SPTY2D1: variants seen among roughly 807,000 people sequenced by gnomAD.
The protein encoded by SPTY2D1 is SPT2 chromatin protein domain containing 1, also known as protein SPT2 homolog.
SPTY2D1 carries 21 observed loss-of-function variants against 64.0 expected under a neutral mutation model. The observed-to-expected ratio is 0.33, with a 90% confidence interval of 0.23 to 0.47. The LOEUF (loss-of-function observed/expected upper bound fraction) is 0.47, where lower values mean the gene tolerates loss of function less well. SPTY2D1 is among the 20% of genes least tolerant of loss of function. The pLI, the probability that SPTY2D1 is intolerant of heterozygous loss-of-function variation, is 1.00. For synonymous variants in SPTY2D1, 287 were observed against 286.8 expected (o/e 1.00, Z -0.01); for missense variants, 724 against 837.2 (o/e 0.86, Z 1.67).
chr11:18,632,132 G>C (rs890865723), intron 1 of SPTY2D1, among the ~76,000 whole-genome samples: 2 of 150,346 alleles, frequency 1.3e-5, no homozygotes, highest in Admixed American at 1.3e-4. Context: ...CAGCCCGGAC[G>C]ACAGAGTGAG....
chr11:18,627,878 C>CAA lies in SPTY2D1; in HGVS notation c.60+6318_60+6319dup, dbSNP rs71313422. On this transcript the variant is annotated intron_variant, in intron 1 of 5. Coordinates refer to ENST00000336349, the MANE Select transcript of SPTY2D1 (RefSeq NM_194285.3). The stretch of plus-strand genomic sequence containing the variant: ...TGGGCAACAGAGCAAGACTCCGTCT[C>CAA]AAAAAAAAAAAATACAAAAATTAGC... 3.8e-3 allele frequency among the ~76,000 whole-genome samples: 540 copies of CAA among 143,886 alleles called. 3 individuals are homozygous for CAA. Among genetic ancestry groups the CAA allele is most frequent in the East Asian group, 0.012 (60 of 4,874 alleles). The allele number at this position is 143,886 out of a possible 152,430, so 94.4% of individuals were successfully genotyped here. A position where few individuals can be genotyped will look rare whatever the true frequency, so the allele number is the denominator to read the frequency against.
rs1353521941 is a variant in SPTY2D1 at position 18,609,597 on chromosome 11, C to T, written c.*264G>A. The stretch of plus-strand genomic sequence containing the variant: ...TGGCCCCACATTAGAGTGCATAGCT[C>T]ATCAGGATCAAGGCTGGCATCTGTG... On this transcript the variant is annotated 3_prime_UTR_variant, in exon 6 of 6. Transcript: ENST00000336349. 1.5e-5 allele frequency: 7 copies of T among 461,194 alleles called. No homozygotes were observed. Among genetic ancestry groups the T allele is most frequent in the Non-Finnish European group, 2.3e-5 (6 of 258,284 alleles). The allele number at this position is 461,194 out of a possible 1,614,324, so 28.6% of individuals were successfully genotyped here. A position where few individuals can be genotyped will look rare whatever the true frequency, so the allele number is the denominator to read the frequency against.
intron 1 of SPTY2D1, among the ~76,000 whole-genome samples, chr11:18,617,232 A>G (rs909746405): frequency 6.6e-6 from 1 of 152,192 alleles, no homozygotes; most frequent in Non-Finnish European, 1.5e-5. Context: ...TAAATGAACA[A>G]TTCACAGAAA....
chr11:18,630,241 C>T (rs1264670189), intron 1 of SPTY2D1, among the ~76,000 whole-genome samples: 1 of 149,750 alleles, frequency 6.7e-6, no homozygotes, highest in Non-Finnish European at 1.5e-5. Flanking sequence ...CTTTGGGAGG[C>T]CGAGGCAGGT....
In SPTY2D1 at chr11:18,622,086, C is replaced by CAAAAAAAAAAA. The variant is rs747593791; in HGVS notation, c.61-5108_61-5098dup. The stretch of plus-strand genomic sequence containing the variant: ...TGAACAACAGAGTAAGACCCTATCT[C>CAAAAAAAAAAA]AAAAAAAAAAAAAAAAAACCAAAAC... On this transcript the variant is annotated intron_variant, in intron 1 of 5. Transcript: ENST00000336349. Among the ~76,000 whole-genome samples the CAAAAAAAAAAA allele has an allele frequency of 6.3e-3, 75 of 11,820 alleles. 12 individuals are homozygous for CAAAAAAAAAAA. Among genetic ancestry groups the CAAAAAAAAAAA allele is most frequent in the African/African-American group, 0.015 (64 of 4,198 alleles). The allele number at this position is 11,820 out of a possible 152,430, so 7.8% of individuals were successfully genotyped here.
intron 1 of SPTY2D1, among the ~76,000 whole-genome samples, chr11:18,622,009 C>T (rs921596370): frequency 1.4e-5 from 2 of 138,938 alleles, no homozygotes; most frequent in African/African-American, 5.3e-5. Flanking sequence ...ATTGTCTCAG[C>T]CAGGGAGGTC....
chr11:18,621,922 C>T (rs923650114), intron 1 of SPTY2D1, among the ~76,000 whole-genome samples: 1 of 151,234 alleles, frequency 6.6e-6, no homozygotes, highest in Non-Finnish European at 1.5e-5. Context: ...CCCTGTCTCT[C>T]CAAACAATTT....
chr11:18,610,667 T>TAAAAA (rs58363516), intron 5 of SPTY2D1, among the ~76,000 whole-genome samples: 36 of 96,484 alleles, frequency 3.7e-4, no homozygotes, highest in Non-Finnish European at 5.2e-4. Flanking sequence ...CCCTGTCTCT[T>TAAAAA]AAAAAAAAAA....
intron 1 of SPTY2D1, among the ~76,000 whole-genome samples, chr11:18,619,181 C>T (rs2134113063): frequency 6.6e-6 from 1 of 152,232 alleles, no homozygotes; most frequent in Non-Finnish European, 1.5e-5. Context: ...AAGGAGCTTA[C>T]ATTTTCATTG....
rs772568759 is a variant in SPTY2D1, at chr11:18,616,101, A to G, written c.176-3T>C. On this transcript the variant is annotated splice_polypyrimidine_tract_variant and splice_region_variant and intron_variant, in intron 2 of 5. Coordinates refer to ENST00000336349, the MANE Select transcript of SPTY2D1 (RefSeq NM_194285.3). ...TTTTCTCCTTTTCTCCTCTAAGGCT[A>G]AAAGGGACAAAACAAGAATATGTTA... The G allele has an allele frequency of 1.9e-6, 3 of 1,588,464 alleles. No homozygotes were observed. The highest frequency in any genetic ancestry group is 2.6e-6 in the Non-Finnish European group (3 of 1,168,522).
chr11:18,621,455 G>A (rs907878956), intron 1 of SPTY2D1, among the ~76,000 whole-genome samples: 2 of 152,092 alleles, frequency 1.3e-5, no homozygotes, highest in African/African-American at 4.8e-5. Flanking sequence ...GATTTGCTTT[G>A]AAAAGAATAA....
intron 1 of SPTY2D1, among the ~76,000 whole-genome samples, chr11:18,622,945 T>G (rs1245034013): frequency 3.5e-5 from 5 of 141,300 alleles, no homozygotes; most frequent in Non-Finnish European, 7.7e-5. Flanking sequence ...AGAGCAAAAC[T>G]CTGTCTCAAA....
chr11:18,615,957 T>C lies in SPTY2D1; in HGVS notation c.317A>G (p.Lys106Arg). The C allele has an allele frequency of 6.2e-7, 1 of 1,609,238 alleles. No homozygotes were observed. The highest frequency in any genetic ancestry group is 8.5e-7 in the Non-Finnish European group (1 of 1,175,240). Residue 106 changes from lysine (K) to arginine (R), a missense_variant, in exon 3 of 6, where the codon AAG becomes AGG. Physicochemically the swap from Lys to Arg is conservative, Grantham distance 26. This residue lies in a region of SPTY2D1 where 179 missense variants were observed against 232.5 expected (regional missense o/e 0.77). Coordinates refer to ENST00000336349, the MANE Select transcript of SPTY2D1 (RefSeq NM_194285.3). Reference protein sequence around the residue: ...YNGIPIEEKSKKRQATESHTS... With the variant: ...YNGIPIEEKSRKRQATESHTS... ...ATGGCTTTCTGTTGCCTGCCTCTTC[T>C]TTGACTTTTCCTCAATAGGAATCCC...
chr11:18,632,138 G>A (rs1480821070), intron 1 of SPTY2D1, among the ~76,000 whole-genome samples: 1 of 150,566 alleles, frequency 6.6e-6, no homozygotes, highest in Non-Finnish European at 1.5e-5. Flanking sequence ...GGACGACAGA[G>A]TGAGACTCTA....
At chr11:18,620,509 G>A (rs1202924133) in intron 1 of SPTY2D1, among the ~76,000 whole-genome samples, 1 of 150,902 alleles carries the variant, frequency 6.6e-6, no homozygotes, top group Non-Finnish European at 1.5e-5. Flanking sequence ...ATCATGAGCC[G>A]TTATTATAGC....
chr11:18,618,218 A>T (rs1316035357), intron 1 of SPTY2D1, among the ~76,000 whole-genome samples: 1 of 152,194 alleles, frequency 6.6e-6, no homozygotes, highest in Non-Finnish European at 1.5e-5. Flanking sequence ...AAAGCATTTC[A>T]AAAAATCTAT....
chr11:18,613,097 T>C (rs1487536279), intron 3 of SPTY2D1, among the ~76,000 whole-genome samples: 3 of 152,210 alleles, frequency 2.0e-5, no homozygotes, highest in Non-Finnish European at 2.9e-5. Context: ...AAATACAATT[T>C]ACAAACCTCC....
intron 1 of SPTY2D1, among the ~76,000 whole-genome samples, chr11:18,618,297 CACA>C (rs762334329): frequency 2.0e-5 from 3 of 152,306 alleles, no homozygotes; most frequent in South Asian, 4.1e-4. Context: ...TAATTTGCCT[CACA>C]ACCTCCTTTT....
At chr11:18,617,602 G>A (rs1053242314) in intron 1 of SPTY2D1, among the ~76,000 whole-genome samples, 10 of 139,636 alleles carry the variant, frequency 7.2e-5, no homozygotes, top group Admixed American at 5.3e-4. Context: ...CTGTAGCCCG[G>A]GCGACAAAGT....
Sources: gnomAD v4.1 joint callset for allele counts (sites outside exome capture counted in the v4.1 genomes callset) on GRCh38, gnomAD v4.1.1 for gene constraint, gnomAD v4.1.1 regional missense constraint, MANE v1.5 for transcripts, NCBI Gene and HGNC (gene_info 2026-07-23, HGNC 2026-07-21) for gene names.